CHSY3: variants seen among roughly 807,000 people sequenced by gnomAD.
CHSY3 encodes chondroitin sulfate synthase 3.
A neutral mutation model predicts 67.2 loss-of-function variants in CHSY3; 35 were observed. That is an observed-to-expected ratio of 0.52 (90% CI 0.40 to 0.69). CHSY3 has a LOEUF of 0.69. Ranked by LOEUF, CHSY3 falls within the 30% of genes least tolerant of loss-of-function variation. The probability of loss-of-function intolerance (pLI) is 0.00; values close to 1 mark genes in which losing one functional copy is unlikely to be tolerated. For missense variants in CHSY3, 1,069 were observed against 1,138.5 expected (o/e 0.94, Z 0.88); for synonymous variants, 474 against 434.7 (o/e 1.09, Z -1.12).
intron 2 of CHSY3, among the ~76,000 whole-genome samples, chr5:129,930,516 G>GC (rs1010177581): frequency 9.0e-5 from 13 of 145,116 alleles, no homozygotes; most frequent in African/African-American, 3.3e-4. Flanking sequence ...GGCGGGGGGG[G>GC]GGTATGAAGT....
chr5:130,031,742 A>G (rs566523875), intron 2 of CHSY3, among the ~76,000 whole-genome samples: 103 of 152,308 alleles, frequency 6.8e-4, no homozygotes, highest in African/African-American at 2.4e-3. Context: ...TAAGATGCAA[A>G]GGCACAAAAT....
At chr5:129,957,942 AC>A (rs141534370) in intron 2 of CHSY3, among the ~76,000 whole-genome samples, 4 of 151,898 alleles carry the variant, frequency 2.6e-5, no homozygotes, top group African/African-American at 9.6e-5. Flanking sequence ...CATATCTGTA[AC>A]TTACTATGTT....
chr5:130,020,353 G>T (rs1764331760), intron 2 of CHSY3, among the ~76,000 whole-genome samples: 1 of 150,354 alleles, frequency 6.7e-6, no homozygotes. Context: ...CTGGGGGGCA[G>T]AGGTTGTAGT....
chr5:129,922,885 T>G (rs186519911), intron 2 of CHSY3, among the ~76,000 whole-genome samples: 4 of 152,326 alleles, frequency 2.6e-5, no homozygotes, highest in African/African-American at 9.6e-5. Flanking sequence ...TGCCCATGCA[T>G]AGTATTGTTG....
Position 130,184,226 on chromosome 5 carries a change from C to A in CHSY3, c.1087-3C>A. ...CCCTGATTTTTTTAATTTTACTTTTCAGATGCAACAACTGTTCCATGAAAA... is the reference window on the plus strand; with the variant it reads ...CCCTGATTTTTTTAATTTTACTTTTAAGATGCAACAACTGTTCCATGAAAA... On this transcript the variant is annotated splice_region_variant and splice_polypyrimidine_tract_variant and intron_variant, in intron 2 of 2. Transcript: ENST00000305031. 1.4e-6 allele frequency: 2 copies of A among 1,460,602 alleles called. No homozygotes were observed. The highest frequency in any genetic ancestry group is 1.8e-6 in the Non-Finnish European group (2 of 1,102,556). The allele number at this position is 1,460,602 out of a possible 1,614,324, so 90.5% of individuals were successfully genotyped here. A position where few individuals can be genotyped will look rare whatever the true frequency, so the allele number is the denominator to read the frequency against.
At chr5:130,093,912 C>T (rs1303262376) in intron 2 of CHSY3, among the ~76,000 whole-genome samples, 2 of 152,088 alleles carry the variant, frequency 1.3e-5, no homozygotes, top group African/African-American at 4.8e-5. Flanking sequence ...TACCACATCT[C>T]TTCTATTTCC....
At chr5:130,071,104 T>A (rs75553612) in intron 2 of CHSY3, among the ~76,000 whole-genome samples, 1,879 of 152,076 alleles carry the variant, frequency 0.012, 32 homozygotes, top group African/African-American at 0.043. Flanking sequence ...CAGTGTGGTA[T>A]CCAATCTAGT....
chr5:130,106,011 T>C (rs1435113826), intron 2 of CHSY3, among the ~76,000 whole-genome samples: 4 of 151,694 alleles, frequency 2.6e-5, no homozygotes, highest in Non-Finnish European at 5.9e-5. Context: ...TTGTTTCAGA[T>C]ATTTTTCACT....
At chr5:130,084,725 A>G (rs1340884661) in intron 2 of CHSY3, among the ~76,000 whole-genome samples, 1 of 151,914 alleles carries the variant, frequency 6.6e-6, no homozygotes, top group African/African-American at 2.4e-5. Context: ...TCTCTAAAAT[A>G]TATAAAACCA....
At chr5:130,048,670 T>C (rs1765229238) in intron 2 of CHSY3, among the ~76,000 whole-genome samples, 1 of 152,080 alleles carries the variant, frequency 6.6e-6, no homozygotes, top group South Asian at 2.1e-4. Flanking sequence ...TGCATCTTTC[T>C]CCACTTCTCT....
chr5:129,933,846 T>C (rs766708524), intron 2 of CHSY3, among the ~76,000 whole-genome samples: 1 of 152,138 alleles, frequency 6.6e-6, no homozygotes, highest in Non-Finnish European at 1.5e-5. Flanking sequence ...TTTTTAGAAG[T>C]TGTACCTAGC....
intron 2 of CHSY3, among the ~76,000 whole-genome samples, chr5:130,053,617 A>G (rs1356233421): frequency 6.6e-6 from 1 of 152,084 alleles, no homozygotes; most frequent in African/African-American, 2.4e-5. Context: ...ATTACGTCAC[A>G]TGTGTCTTAC....
intron 2 of CHSY3, among the ~76,000 whole-genome samples, chr5:130,013,387 C>T (rs1230714135): frequency 1.3e-5 from 2 of 152,208 alleles, no homozygotes; most frequent in African/African-American, 4.8e-5. Flanking sequence ...CCACATTTCC[C>T]TTCTACACTT....
At chr5:130,155,633 G>A (rs536705575) in intron 2 of CHSY3, among the ~76,000 whole-genome samples, 2 of 152,126 alleles carry the variant, frequency 1.3e-5, no homozygotes, top group Non-Finnish European at 2.9e-5. Flanking sequence ...CAGGCTCCTC[G>A]TGGGGTAAAA....
rs67920872 is a variant in CHSY3 at position 129,918,808 on chromosome 5, TA to T, written c.1086+10463del. On this transcript the variant is annotated intron_variant, in intron 2 of 2. Transcript: ENST00000305031. The stretch of plus-strand genomic sequence containing the variant: ...ACATTGTAGATCAGTGATTCTCTTT[TA>T]AAAAAAAAAAAAAATTGGCCGGGCG... Among the ~76,000 whole-genome samples, 54 of 145,288 alleles carry T rather than the reference TA, an allele frequency of 3.7e-4. 1 individual carries two copies. The highest frequency in any genetic ancestry group is 9.1e-4 in the African/African-American group (36 of 39,378).
chr5:130,173,185 A>G (rs1769944943), intron 2 of CHSY3, among the ~76,000 whole-genome samples: 1 of 152,138 alleles, frequency 6.6e-6, no homozygotes, highest in Non-Finnish European at 1.5e-5. Flanking sequence ...TTTGGACTAC[A>G]CGTTTTCAAC....
intron 2 of CHSY3, among the ~76,000 whole-genome samples, chr5:130,049,273 G>C (rs1394970425): frequency 6.6e-6 from 1 of 152,030 alleles, no homozygotes; most frequent in Non-Finnish European, 1.5e-5. Context: ...ATCACACCAG[G>C]AAATTATCAC....
chr5:130,158,870 G>T (rs972523087), intron 2 of CHSY3, among the ~76,000 whole-genome samples: 5 of 152,142 alleles, frequency 3.3e-5, no homozygotes, highest in African/African-American at 1.2e-4. Context: ...TATGATCACA[G>T]CTCACTGCAG....
Position 129,904,540 on chromosome 5 carries a change from AGCTGCCGCTGCTGCCGCC to A in CHSY3, c.-281_-264del. 3.0e-6 allele frequency: 1 copy of A among 331,868 alleles called. No homozygotes were observed. The highest frequency in any genetic ancestry group is 5.2e-6 in the Non-Finnish European group (1 of 193,286). The allele number at this position is 331,868 out of a possible 1,614,324, so 20.6% of individuals were successfully genotyped here. A position where few individuals can be genotyped will look rare whatever the true frequency, so the allele number is the denominator to read the frequency against. ...CTCCTCCTCCTCCTGCAGCTCCTCCAGCTGCCGCTGCTGCCGCCGCTGCCGCCACCGCCGCCGCCGGGA... is the reference window on the plus strand; with the variant it reads ...CTCCTCCTCCTCCTGCAGCTCCTCCAGCTGCCGCCACCGCCGCCGCCGGGA... On this transcript the variant is annotated 5_prime_UTR_variant, in exon 1 of 3. Coordinates refer to ENST00000305031, the MANE Select transcript of CHSY3 (RefSeq NM_175856.5).
Sources: gnomAD v4.1 joint callset for allele counts (sites outside exome capture counted in the v4.1 genomes callset) on GRCh38, gnomAD v4.1.1 for gene constraint, MANE v1.5 for transcripts, NCBI Gene and HGNC (gene_info 2026-07-23, HGNC 2026-07-21) for gene names.